SPAG16: variants seen among roughly 807,000 people sequenced by gnomAD.
The protein encoded by SPAG16 is sperm-associated antigen 16 protein.
Under a neutral mutation model 80.4 loss-of-function variants are expected in SPAG16, and 86 were observed. The ratio of observed to expected loss-of-function variants is 1.07; its 90% CI spans 0.90 to 1.28. The LOEUF (loss-of-function observed/expected upper bound fraction) is 1.28. Ranked by LOEUF, SPAG16 falls within the 50% of genes most tolerant of loss-of-function variation. The pLI is 0.00. For missense variants in SPAG16, 870 were observed against 765.3 expected (o/e 1.14, Z -1.61); for synonymous variants, 294 against 265.9 (o/e 1.11, Z -1.03).
chr2:213,704,016 A>G (rs1480306662), intron 10 of SPAG16, among the ~76,000 whole-genome samples: 1 of 152,200 alleles, frequency 6.6e-6, no homozygotes, highest in East Asian at 1.9e-4. Context: ...GTGTTCTCCT[A>G]GATATAAAGT....
chr2:214,148,644 T>C (rs1488116939), intron 14 of SPAG16, among the ~76,000 whole-genome samples: 2 of 124,060 alleles, frequency 1.6e-5, no homozygotes, highest in East Asian at 4.8e-4. Context: ...TTTTGTTTTT[T>C]CTCTATTTGA....
At chr2:214,072,095 A>G (rs1185293396) in intron 13 of SPAG16, among the ~76,000 whole-genome samples, 2 of 152,006 alleles carry the variant, frequency 1.3e-5, no homozygotes, top group Non-Finnish European at 2.9e-5. Flanking sequence ...TTCTTGCTGC[A>G]CTTTTCTAAA....
chr2:213,404,612 A>G (rs931262207), intron 9 of SPAG16, among the ~76,000 whole-genome samples: 3 of 152,218 alleles, frequency 2.0e-5, no homozygotes, highest in Admixed American at 6.5e-5. Flanking sequence ...ACCCTAGAAG[A>G]AAACCTAGGC....
intron 12 of SPAG16, 67 bp downstream of exon 12, chr2:213,930,212 TTC>T: frequency 2.3e-6 from 3 of 1,283,792 alleles, no homozygotes; most frequent in Non-Finnish European, 3.1e-6. Context: ...AGTGGTAAAG[TTC>T]TTTTTTTTTT....
chr2:214,002,576 G>A (rs924244843), intron 12 of SPAG16, among the ~76,000 whole-genome samples: 2 of 152,146 alleles, frequency 1.3e-5, no homozygotes, highest in Non-Finnish European at 2.9e-5. Flanking sequence ...GTCCCACGAT[G>A]TGCTGTCTGC....
At chr2:213,754,389 G>A (rs1283042625) in intron 10 of SPAG16, among the ~76,000 whole-genome samples, 1 of 152,138 alleles carries the variant, frequency 6.6e-6, no homozygotes, top group Non-Finnish European at 1.5e-5. Flanking sequence ...GCTGGAAAAT[G>A]AGGATTTGCT....
intron 15 of SPAG16, among the ~76,000 whole-genome samples, chr2:214,175,221 G>GTGTATATATATATATAAAGAAA (rs1365704078): frequency 1.5e-5 from 2 of 131,778 alleles, no homozygotes; most frequent in East Asian, 2.1e-4. Flanking sequence ...AAAGAAATGT[G>GTGTATATATATATATAAAGAAA]TGTATATATA....
At chr2:213,290,102 C>T (rs1441447973) in intron 1 of SPAG16, among the ~76,000 whole-genome samples, 2 of 152,198 alleles carry the variant, frequency 1.3e-5, no homozygotes, top group African/African-American at 4.8e-5. Context: ...CTGGCAGTTT[C>T]AGTGTGGGTG....
chr2:213,381,429 G>A (rs138502945), intron 9 of SPAG16, among the ~76,000 whole-genome samples: 9 of 152,236 alleles, frequency 5.9e-5, no homozygotes, highest in East Asian at 5.8e-4. Context: ...TTCATGGTAC[G>A]GTGCCATAAC....
At chr2:213,888,856 T>C (rs1161309205) in intron 11 of SPAG16, among the ~76,000 whole-genome samples, 3 of 151,938 alleles carry the variant, frequency 2.0e-5, no homozygotes, top group African/African-American at 7.2e-5. Flanking sequence ...CCCTCACTCC[T>C]ACAAGGGATA....
At chr2:213,636,586 G>A (rs1574588892) in intron 10 of SPAG16, among the ~76,000 whole-genome samples, 1 of 152,210 alleles carries the variant, frequency 6.6e-6, no homozygotes. Context: ...CTGTCCATGA[G>A]CATGGGATGT....
chr2:214,177,067 AT>A (rs1346156767), intron 15 of SPAG16, among the ~76,000 whole-genome samples: 1 of 151,174 alleles, frequency 6.6e-6, no homozygotes, highest in Non-Finnish European at 1.5e-5. Context: ...TATTTCAAGA[AT>A]TATGTTTGGA....
At chr2:214,103,245 T>C (rs372124920) in intron 13 of SPAG16, among the ~76,000 whole-genome samples, 87 of 152,302 alleles carry the variant, frequency 5.7e-4, no homozygotes, top group African/African-American at 2.0e-3. Context: ...CTCTGGCTAA[T>C]AGATTAAATA....
intron 10 of SPAG16, among the ~76,000 whole-genome samples, chr2:213,755,018 G>T: frequency 6.6e-6 from 1 of 152,046 alleles, no homozygotes; most frequent in East Asian, 1.9e-4. Context: ...TGTCTAAAAG[G>T]TACTGAGATG....
intron 10 of SPAG16, among the ~76,000 whole-genome samples, chr2:213,833,515 A>ATATATAATATATATATTATATATATAT (rs2073863030): frequency 2.5e-4 from 1 of 4,036 alleles, no homozygotes; most frequent in African/African-American, 7.0e-4. Flanking sequence ...TATATATAAT[A>ATATATAATATATATATTATATATATAT]TATATAATAT....
intron 10 of SPAG16, among the ~76,000 whole-genome samples, chr2:213,633,126 A>G (rs1055973704): frequency 6.6e-6 from 1 of 152,080 alleles, no homozygotes; most frequent in African/African-American, 2.4e-5. Flanking sequence ...GAGACTTTTT[A>G]TTATGGCTTC....
At chr2:214,206,411 G>A (rs114651686) in intron 15 of SPAG16, among the ~76,000 whole-genome samples, 4,286 of 152,202 alleles carry the variant, frequency 0.028, 222 homozygotes, top group African/African-American at 0.093. Context: ...TTTCACTTAA[G>A]ATAATGTCCT....
At chr2:213,522,511 TG>T (rs1253374487) in intron 10 of SPAG16, among the ~76,000 whole-genome samples, 2 of 152,042 alleles carry the variant, frequency 1.3e-5, no homozygotes, top group Non-Finnish European at 1.5e-5. Flanking sequence ...CTGACTGAAA[TG>T]GTTTGGCCTT....
rs145647357 is a variant in SPAG16 at position 213,993,474 on chromosome 2, T to A, written c.1401-20477T>A. On this transcript the variant is annotated intron_variant, in intron 12 of 15. Coordinates refer to ENST00000331683, the MANE Select transcript of SPAG16 (RefSeq NM_024532.5). Reference sequence around the variant, plus strand: ...CACAAGTAAACCCCCTAAGGCATAATTACAATAGCACTGCCTATTCAATCC... The same window carrying A: ...CACAAGTAAACCCCCTAAGGCATAAATACAATAGCACTGCCTATTCAATCC... Among the ~76,000 whole-genome samples the A allele has an allele frequency of 3.1e-3, 476 of 152,294 alleles. 7 individuals are homozygous for A. The South Asian group carries it at 0.034, about 11-fold the overall frequency.
Sources: allele counts gnomAD v4.1 joint callset (sites outside exome capture counted in the v4.1 genomes callset), GRCh38; gene constraint gnomAD v4.1.1; transcripts MANE v1.5; gene names NCBI Gene and HGNC (gene_info 2026-07-23, HGNC 2026-07-21).